GALNTL6: variants seen among roughly 807,000 people sequenced by gnomAD.
GALNTL6 encodes the protein polypeptide N-acetylgalactosaminyltransferase-like 6.
GALNTL6 carries 46 observed loss-of-function variants against 73.7 expected under a neutral mutation model. The observed-to-expected ratio is 0.62, with a 90% CI of 0.49 to 0.80. The LOEUF (loss-of-function observed/expected upper bound fraction) is 0.80. Ranked by LOEUF, GALNTL6 falls within the 30% of genes least tolerant of loss-of-function variation. GALNTL6 has a pLI of 0.00. For synonymous variants in GALNTL6, 259 were observed against 263.7 expected, an observed-to-expected ratio of 0.98 and a Z score of 0.17; for missense variants, 604 against 755.0, an observed-to-expected ratio of 0.80 and a Z score of 2.34.
chr4:172,176,146 T>C (rs1017092770), intron 2 of GALNTL6, among the ~76,000 whole-genome samples: 5 of 151,776 alleles, frequency 3.3e-5, no homozygotes, highest in South Asian at 2.1e-4. Context: ...GAGACCATCC[T>C]GGCTAACACG....
chr4:171,989,360 G>C (rs1042851526), intron 2 of GALNTL6, among the ~76,000 whole-genome samples: 1 of 152,176 alleles, frequency 6.6e-6, no homozygotes, highest in Non-Finnish European at 1.5e-5. Flanking sequence ...CATTCCAGGG[G>C]CTCTGGGAGT....
intron 2 of GALNTL6, among the ~76,000 whole-genome samples, chr4:172,210,487 G>C (rs998354013): frequency 3.9e-5 from 6 of 152,030 alleles, no homozygotes; most frequent in African/African-American, 1.4e-4. Context: ...AGGAATACTG[G>C]TTAGGCATTT....
At chr4:172,843,974 G>A (rs149391933) in intron 7 of GALNTL6, among the ~76,000 whole-genome samples, 116 of 152,198 alleles carry the variant, frequency 7.6e-4, no homozygotes, top group African/African-American at 2.7e-3. Context: ...CAGGAGAATC[G>A]CTTGAACCCG....
chr4:172,715,762 T>G (rs1015492453), intron 5 of GALNTL6, among the ~76,000 whole-genome samples: 4 of 152,212 alleles, frequency 2.6e-5, no homozygotes, highest in African/African-American at 9.6e-5. Flanking sequence ...TTTGTAGTTG[T>G]TAGATCCATT....
At chr4:172,525,071 T>C (rs936586638) in intron 5 of GALNTL6, among the ~76,000 whole-genome samples, 11 of 152,204 alleles carry the variant, frequency 7.2e-5, no homozygotes, top group African/African-American at 2.7e-4. Flanking sequence ...GTTACATAAA[T>C]CAATTGTCTA....
intron 7 of GALNTL6, among the ~76,000 whole-genome samples, chr4:172,824,355 T>A (rs2111032821): frequency 6.7e-6 from 1 of 149,330 alleles, no homozygotes; most frequent in African/African-American, 2.5e-5. Flanking sequence ...CTGACTTCCA[T>A]GGTATAGTGT....
At chr4:172,546,820 G>GTATATATATGTATATATATACA in intron 5 of GALNTL6, among the ~76,000 whole-genome samples, 1 of 49,058 alleles carries the variant, frequency 2.0e-5, no homozygotes, top group African/African-American at 9.8e-5. Context: ...ATATATATAC[G>GTATATATATGTATATATATACA]TATATGTATA....
chr4:172,170,132 T>A (rs1734762476), intron 2 of GALNTL6, among the ~76,000 whole-genome samples: 1 of 152,208 alleles, frequency 6.6e-6, no homozygotes, highest in African/African-American at 2.4e-5. Flanking sequence ...ATACCTCTAG[T>A]TACTCTGTCT....
chr4:172,331,258 TA>T (rs11311596), intron 4 of GALNTL6, among the ~76,000 whole-genome samples: 25,888 of 142,318 alleles, frequency 0.18, 2,343 homozygotes, highest in African/African-American at 0.22. Context: ...CAACATCTTG[TA>T]AAAAAAAAAA....
intron 5 of GALNTL6, among the ~76,000 whole-genome samples, chr4:172,424,144 A>G (rs1731146730): frequency 6.6e-6 from 1 of 152,146 alleles, no homozygotes; most frequent in Non-Finnish European, 1.5e-5. Context: ...TGACTTCAGC[A>G]CTAATGCTGT....
chr4:172,265,777 A>T (rs1738430498), intron 3 of GALNTL6, among the ~76,000 whole-genome samples: 1 of 152,092 alleles, frequency 6.6e-6, no homozygotes, highest in Non-Finnish European at 1.5e-5. Context: ...TCTTTTGTTT[A>T]TAAAGAACAA....
intron 7 of GALNTL6, among the ~76,000 whole-genome samples, chr4:172,835,382 G>C (rs2009141): frequency 0.14 from 20,679 of 152,210 alleles, 2,582 homozygotes; most frequent in African/African-American, 0.32. Context: ...AGCTATTCCA[G>C]GTATAGACAA....
chr4:172,596,946 G>A (rs958214211), intron 5 of GALNTL6, among the ~76,000 whole-genome samples: 1 of 152,058 alleles, frequency 6.6e-6, no homozygotes, highest in African/African-American at 2.4e-5. Flanking sequence ...TTAAAATCAG[G>A]CATATTAACA....
chr4:172,240,077 T>C (rs1737368377), intron 3 of GALNTL6, among the ~76,000 whole-genome samples: 1 of 152,204 alleles, frequency 6.6e-6, no homozygotes, highest in South Asian at 2.1e-4. Flanking sequence ...TGTTGGACTC[T>C]TGTGTGAGGT....
intron 5 of GALNTL6, among the ~76,000 whole-genome samples, chr4:172,367,029 C>A (rs1742591088): frequency 6.6e-6 from 1 of 152,146 alleles, no homozygotes; most frequent in African/African-American, 2.4e-5. Context: ...CCCGTGAATC[C>A]TAGCAGGAAG....
At chr4:171,885,157 G>A (rs1041046235) in intron 2 of GALNTL6, among the ~76,000 whole-genome samples, 6 of 152,032 alleles carry the variant, frequency 3.9e-5, no homozygotes, top group East Asian at 1.9e-4. Context: ...ACATGGTCTC[G>A]CATGAAGTCT....
intron 12 of GALNTL6, among the ~76,000 whole-genome samples, chr4:173,023,771 T>A (rs962081171): frequency 1.3e-5 from 2 of 152,180 alleles, no homozygotes; most frequent in African/African-American, 4.8e-5. Context: ...GGAATATCAC[T>A]GCAATAGTAA....
intron 2 of GALNTL6, among the ~76,000 whole-genome samples, chr4:172,122,314 A>G (rs1424152927): frequency 6.6e-6 from 1 of 152,116 alleles, no homozygotes. Flanking sequence ...AAAAGGGGAA[A>G]GAGTCTCATT....
chr4:172,156,463 A>G (rs989384597), intron 2 of GALNTL6, among the ~76,000 whole-genome samples: 1 of 149,804 alleles, frequency 6.7e-6, no homozygotes, highest in African/African-American at 2.5e-5. Flanking sequence ...TGTTTTCTAC[A>G]GGAAACTGTA....
Sources: gnomAD v4.1 joint callset for allele counts (sites outside exome capture counted in the v4.1 genomes callset) on GRCh38, gnomAD v4.1.1 for gene constraint, MANE v1.5 for transcripts, NCBI Gene and HGNC (gene_info 2026-07-23, HGNC 2026-07-21) for gene names.